IMPG1: variants seen among roughly 807,000 people sequenced by gnomAD.
IMPG1 encodes interphotoreceptor matrix proteoglycan of 150 kDa.
IMPG1 carries 85 observed loss-of-function variants against 92.0 expected under a neutral mutation model. The observed-to-expected ratio is 0.92, with a 90% CI of 0.78 to 1.11. The LOEUF is 1.11. Among genes scored for constraint, IMPG1 ranks in the 50% least tolerant of loss-of-function variants. The pLI, the probability that IMPG1 is intolerant of heterozygous loss-of-function variation, is 0.00. For missense variants in IMPG1, 1,022 were observed against 956.0 expected, an observed-to-expected ratio of 1.07 and a Z score of -0.91; for synonymous variants, 367 against 334.1, an observed-to-expected ratio of 1.10 and a Z score of -1.08.
intron 1 of IMPG1, among the ~76,000 whole-genome samples, chr6:76,044,897 C>G (rs78470248): frequency 0.011 from 1,669 of 152,192 alleles, 38 homozygotes; most frequent in African/African-American, 0.038. Flanking sequence ...TGGGTCTTTA[C>G]GTTTTATCCT....
intron 12 of IMPG1, among the ~76,000 whole-genome samples, 188 bp from the exon 13 acceptor site, chr6:75,951,282 A>T (rs1202001641): frequency 6.6e-6 from 1 of 152,026 alleles, no homozygotes. Context: ...ACTATGTCCC[A>T]ACCTAGGGAG....
intron 12 of IMPG1, among the ~76,000 whole-genome samples, chr6:75,965,798 AG>A (rs1562351135): frequency 6.6e-6 from 1 of 151,806 alleles, no homozygotes; most frequent in East Asian, 1.9e-4. Flanking sequence ...TAGTAGAGAC[AG>A]GGTTTCACCG....
chr6:76,026,848 A>G (rs1040789457), intron 4 of IMPG1, among the ~76,000 whole-genome samples: 8 of 152,050 alleles, frequency 5.3e-5, no homozygotes, highest in Middle Eastern at 3.2e-3. Context: ...TCAAGCCTCC[A>G]TTTTGTTATA....
intron 12 of IMPG1, among the ~76,000 whole-genome samples, chr6:75,965,808 C>T (rs899471229): frequency 3.3e-5 from 5 of 151,860 alleles, no homozygotes; most frequent in African/African-American, 9.7e-5. Flanking sequence ...AGGGTTTCAC[C>T]GTGTTAGCCA....
intron 14 of IMPG1, among the ~76,000 whole-genome samples, chr6:75,939,448 G>T (rs1407723964): frequency 2.0e-5 from 3 of 152,252 alleles, no homozygotes; most frequent in African/African-American, 4.8e-5. Flanking sequence ...AGAATATGTG[G>T]TGTTTGGTTT....
chr6:76,053,931 A>T (rs564838889), intron 1 of IMPG1, among the ~76,000 whole-genome samples: 1 of 152,238 alleles, frequency 6.6e-6, no homozygotes, highest in Non-Finnish European at 1.5e-5. Context: ...AGCAGAGCAG[A>T]ATTGGAGCAG....
chr6:75,998,392 A>T (rs1456886794), intron 12 of IMPG1, among the ~76,000 whole-genome samples: 1 of 152,200 alleles, frequency 6.6e-6, no homozygotes, highest in Non-Finnish European at 1.5e-5. Flanking sequence ...TTACATTGAG[A>T]TCATTCAGTT....
At chr6:75,994,979 G>T (rs975557155) in intron 12 of IMPG1, among the ~76,000 whole-genome samples, 6 of 152,202 alleles carry the variant, frequency 3.9e-5, no homozygotes, top group African/African-American at 1.4e-4. Flanking sequence ...GAACACCTGA[G>T]AGGCACGGCT....
intron 12 of IMPG1, among the ~76,000 whole-genome samples, chr6:75,992,735 T>C (rs1270648928): frequency 2.6e-5 from 4 of 152,174 alleles, no homozygotes; most frequent in Non-Finnish European, 5.9e-5. Flanking sequence ...ATCCTTCCCC[T>C]ACTTATTTCT....
chr6:75,994,028 A>G (rs995547236), intron 12 of IMPG1, among the ~76,000 whole-genome samples: 1 of 152,198 alleles, frequency 6.6e-6, no homozygotes, highest in African/African-American at 2.4e-5. Context: ...GTTTTCTGGC[A>G]CTGGTGAGGT....
intron 12 of IMPG1, among the ~76,000 whole-genome samples, chr6:75,955,426 G>T (rs1468262008): frequency 6.6e-6 from 1 of 152,110 alleles, no homozygotes; most frequent in Admixed American, 6.5e-5. Context: ...TCTATTATTG[G>T]TGTGTAGAAA....
chr6:75,968,519 G>T, intron 12 of IMPG1, among the ~76,000 whole-genome samples: 1 of 151,168 alleles, frequency 6.6e-6, no homozygotes, highest in African/African-American at 2.4e-5. Context: ...TTTCTTTTTA[G>T]ATTGTAAGAT....
intron 12 of IMPG1, among the ~76,000 whole-genome samples, chr6:75,961,489 T>G (rs563706107): frequency 6.6e-6 from 1 of 152,128 alleles, no homozygotes; most frequent in Non-Finnish European, 1.5e-5. Flanking sequence ...AAGATAAAAT[T>G]CTGGCCCCAA....
intron 12 of IMPG1, among the ~76,000 whole-genome samples, chr6:75,995,226 C>T (rs1024339160): frequency 6.6e-6 from 1 of 152,176 alleles, no homozygotes; most frequent in Non-Finnish European, 1.5e-5. Flanking sequence ...ACTGAATTAC[C>T]GTTAAGACTC....
chr6:76,005,353 T>C lies in IMPG1; in HGVS notation c.1069A>G (p.Arg357Gly), dbSNP rs780185706. Residue 357 changes from arginine to glycine, a missense_variant, in exon 10 of 17, where the codon AGG becomes GGG. Arg to Gly is a moderately radical substitution (Grantham distance 125). Around this residue, in one of 3 missense-constraint regions of IMPG1, gnomAD observed 681 missense variants for 583.6 expected, o/e 1.17. Coordinates refer to ENST00000369950, the MANE Select transcript of IMPG1 (RefSeq NM_001563.4). The stretch of plus-strand genomic sequence containing the variant: ...TCCTCTAGTGCTTTGCTGATCAGCC[T>C]TTTGAGGTCTGTAGCTGTGAGATAG... ...EIYLTATDLK[R>G]LISKALEEEQ... 15 of 1,613,852 alleles carry C rather than the reference T, an allele frequency of 9.3e-6. No individual in the cohort carries two copies. Among genetic ancestry groups the C allele is most frequent in the Admixed American group, 3.3e-5 (2 of 59,982 alleles).
intron 14 of IMPG1, among the ~76,000 whole-genome samples, chr6:75,937,474 A>G (rs183651635): frequency 1.3e-3 from 198 of 152,314 alleles, no homozygotes; most frequent in Non-Finnish European, 1.7e-3. Flanking sequence ...AAGATGGCAC[A>G]CAAATCTGGC....
chr6:76,014,845 T>C (rs1783256208), intron 7 of IMPG1, among the ~76,000 whole-genome samples: 1 of 152,168 alleles, frequency 6.6e-6, no homozygotes, highest in African/African-American at 2.4e-5. Context: ...TTATTGTTTA[T>C]GTCCATGCCC....
chr6:75,947,497 TA>T lies in IMPG1; in HGVS notation c.1860del (p.Phe620LeufsTer14). 1 of 1,613,738 alleles carries T rather than the reference TA, an allele frequency of 6.2e-7. No homozygotes were observed. Among genetic ancestry groups the T allele is most frequent in the Non-Finnish European group, 8.5e-7 (1 of 1,179,746 alleles). ...CTGAAGTTAAGTATTTCAAGTTGCT[TA>T]AATCCTGTAAGATTGGATCGTAGAT... is the stretch of plus-strand genomic sequence containing the variant. Reference protein sequence around the residue: ...VPYLRSNLTGFKQLEILNFRN... With the variant: ...VPYLRSNLTGXKQLEILNFRN... On this transcript the variant is annotated frameshift_variant, in exon 14 of 17. Transcript: ENST00000369950. LOFTEE classifies it high-confidence loss of function.
At chr6:75,950,473 T>C in intron 13 of IMPG1, 89 bp downstream of exon 13, 1 of 1,197,464 alleles carries the variant, frequency 8.4e-7, no homozygotes, top group Non-Finnish European at 1.1e-6. Flanking sequence ...CTAACACTAA[T>C]TGCTCAAGAC....
Sources: allele counts gnomAD v4.1 joint callset (sites outside exome capture counted in the v4.1 genomes callset), GRCh38; gene constraint gnomAD v4.1.1; regional missense constraint gnomAD v4.1.1; transcripts MANE v1.5; gene names NCBI Gene and HGNC (gene_info 2026-07-23, HGNC 2026-07-21).